The following IQUB variants were observed in gnomAD, a reference collection of about 807,000 sequenced individuals.
IQUB encodes IQ motif and ubiquitin domain containing, also known as IQ motif and ubiquitin-like domain-containing protein.
In IQUB, 86 loss-of-function variants were observed where a neutral mutation model predicts 86.4. The ratio of observed to expected loss-of-function variants is 1.00; its 90% CI spans 0.84 to 1.19. The LOEUF (loss-of-function observed/expected upper bound fraction) is 1.19, where lower values mean the gene tolerates loss of function less well. Ranked by LOEUF, IQUB falls within the 50% of genes most tolerant of loss-of-function variation. The pLI, the probability that IQUB is intolerant of heterozygous loss-of-function variation, is 0.00. For missense variants in IQUB, 946 were observed against 916.9 expected, an observed-to-expected ratio of 1.03 and a Z score of -0.41; for synonymous variants, 289 against 304.5, an observed-to-expected ratio of 0.95 and a Z score of 0.53.
chr7:123,483,594 A>G (rs1352662462), intron 7 of IQUB, among the ~76,000 whole-genome samples: 1 of 152,144 alleles, frequency 6.6e-6, no homozygotes, highest in African/African-American at 2.4e-5. Context: ...TAAAAAAGCA[A>G]GAATAACATA....
intron 1 of IQUB, among the ~76,000 whole-genome samples, chr7:123,528,216 G>C (rs889478651): frequency 6.6e-6 from 1 of 152,120 alleles, no homozygotes; most frequent in Non-Finnish European, 1.5e-5. Flanking sequence ...CCCACTGTCT[G>C]GCACTCCCTA....
chr7:123,457,511 C>T lies in IQUB; in HGVS notation c.2063G>A (p.Ser688Asn). The change falls in exon 12 of 13, where the codon AGT becomes AAT. Residue 688 changes from serine (S) to asparagine (N), a missense_variant. By Grantham distance (46) the Ser-to-Asn change is conservative. Transcript: ENST00000324698. ...CAGATCACTGAGATTGTCGCAAGCA[C>T]TGAGGACTGACTGGGACGCCCAGAT... ...ENIWASQSVL[S>N]ACDNLSDLVM... The T allele has an allele frequency of 1.2e-6, 2 of 1,611,074 alleles. No individual in the cohort carries two copies. Among genetic ancestry groups the T allele is most frequent in the East Asian group, 4.5e-5 (2 of 44,772 alleles).
intron 3 of IQUB, among the ~76,000 whole-genome samples, chr7:123,503,724 TTAAA>T (rs1306391620): frequency 2.0e-5 from 3 of 151,816 alleles, no homozygotes; most frequent in Non-Finnish European, 4.4e-5. Flanking sequence ...CATTTAATTA[TTAAA>T]TATACTATTA....
At chr7:123,467,543 G>A (rs1240187209) in intron 9 of IQUB, among the ~76,000 whole-genome samples, 2 of 152,170 alleles carry the variant, frequency 1.3e-5, no homozygotes, top group South Asian at 2.1e-4. Flanking sequence ...TGAGAGTCTG[G>A]GGTATGTGAA....
chr7:123,499,634 A>G (rs1795852881), intron 6 of IQUB, among the ~76,000 whole-genome samples: 2 of 152,212 alleles, frequency 1.3e-5, no homozygotes, highest in South Asian at 2.1e-4. Flanking sequence ...AGGAGGGGGC[A>G]GAAAATGAAG....
intron 1 of IQUB, among the ~76,000 whole-genome samples, chr7:123,521,681 C>CACACACACACACACAG (rs533866528): frequency 9.3e-5 from 14 of 151,016 alleles, no homozygotes; most frequent in African/African-American, 3.4e-4. Flanking sequence ...CACACACACA[C>CACACACACACACACAG]AGAGATCACA....
chr7:123,466,199 A>G (rs112343171), intron 9 of IQUB, among the ~76,000 whole-genome samples: 127 of 152,234 alleles, frequency 8.3e-4, no homozygotes, highest in African/African-American at 2.8e-3. Context: ...ATAAATGAAT[A>G]GAGTCAGAAT....
chr7:123,469,664 T>C (rs1794438171), intron 8 of IQUB, among the ~76,000 whole-genome samples: 1 of 152,226 alleles, frequency 6.6e-6, no homozygotes, highest in African/African-American at 2.4e-5. Context: ...GTTTGAGAGA[T>C]GTATGGAATT....
chr7:123,522,972 C>T lies in IQUB; in HGVS notation c.-4-10628G>A, dbSNP rs1479151279. Reference sequence around the variant, plus strand: ...TGCGGTGTTTGGTTTTTTGTTCTTGCGATAGTTTACTGAGAATGATGATTT... The same window carrying T: ...TGCGGTGTTTGGTTTTTTGTTCTTGTGATAGTTTACTGAGAATGATGATTT... On this transcript the variant is annotated intron_variant, in intron 1 of 12. Transcript: ENST00000324698. Among the ~76,000 whole-genome samples, 7 of 148,290 alleles carry T rather than the reference C, an allele frequency of 4.7e-5. No individual in the cohort carries two copies. The South Asian group carries it at 1.3e-3, about 27-fold the overall frequency.
intron 10 of IQUB, among the ~76,000 whole-genome samples, chr7:123,463,822 ACT>A (rs1052873587): frequency 1.3e-5 from 2 of 151,742 alleles, no homozygotes; most frequent in African/African-American, 4.8e-5. Context: ...AATTGTAGAA[ACT>A]CTATCAATTG....
intron 1 of IQUB, among the ~76,000 whole-genome samples, chr7:123,524,427 G>A (rs1346088270): frequency 6.6e-6 from 1 of 150,998 alleles, no homozygotes; most frequent in Non-Finnish European, 1.5e-5. Context: ...CATATCCCTT[G>A]TAAGTTGGAT....
chr7:123,525,068 A>G (rs945666061), intron 1 of IQUB, among the ~76,000 whole-genome samples: 13 of 152,246 alleles, frequency 8.5e-5, no homozygotes, highest in Admixed American at 5.9e-4. Context: ...ATCATGTTGG[A>G]TAAGCTTTTT....
chr7:123,534,375 C>A (rs546894960), intron 1 of IQUB, 117 bp downstream of exon 1: 1 of 152,502 alleles, frequency 6.6e-6, no homozygotes, highest in African/African-American at 2.4e-5. Flanking sequence ...GCCCCAGGCG[C>A]TCAGGTGGGA....
In IQUB at chr7:123,512,355, A is replaced by C; in HGVS notation, c.-4-11T>G. 1.3e-6 allele frequency: 2 copies of C among 1,485,694 alleles called. No individual in the cohort carries two copies. Among genetic ancestry groups the C allele is most frequent in the South Asian group, 2.6e-5 (2 of 76,418 alleles). The allele number at this position is 1,485,694 out of a possible 1,614,324, so 92.0% of individuals were successfully genotyped here. On this transcript the variant is annotated splice_polypyrimidine_tract_variant and intron_variant, in intron 1 of 12. Transcript: ENST00000324698. ...TGATTAGACATTTTCCTGAATTAAG[A>C]AAAATAAACACATTTACTACATAGA...
At chr7:123,528,270 C>G (rs886169006) in intron 1 of IQUB, among the ~76,000 whole-genome samples, 1 of 152,184 alleles carries the variant, frequency 6.6e-6, no homozygotes, top group Non-Finnish European at 1.5e-5. Context: ...AGAAATCACC[C>G]GTCTTCTGCG....
At chr7:123,509,789 A>G (rs1796337256) in intron 3 of IQUB, 112 bp downstream of exon 3, 1 of 903,784 alleles carries the variant, frequency 1.1e-6, no homozygotes, top group South Asian at 1.6e-5. Flanking sequence ...CATAACCACA[A>G]TATAATGTTC....
intron 8 of IQUB, among the ~76,000 whole-genome samples, chr7:123,469,777 G>A (rs962508961): frequency 6.6e-6 from 1 of 152,078 alleles, no homozygotes; most frequent in Non-Finnish European, 1.5e-5. Context: ...AACTTTTGTA[G>A]AGTAATTATG....
At chr7:123,531,286 T>C (rs1191531187) in intron 1 of IQUB, among the ~76,000 whole-genome samples, 1 of 151,958 alleles carries the variant, frequency 6.6e-6, no homozygotes, top group Non-Finnish European at 1.5e-5. Flanking sequence ...AGTAAATACA[T>C]CCCATAAAAA....
chr7:123,463,177 T>C (rs1165034183), intron 10 of IQUB, among the ~76,000 whole-genome samples: 1 of 151,766 alleles, frequency 6.6e-6, no homozygotes, highest in Non-Finnish European at 1.5e-5. Flanking sequence ...ATATTTATCA[T>C]ATACTGCAGG....
Sources: gnomAD v4.1 joint callset for allele counts (sites outside exome capture counted in the v4.1 genomes callset) on GRCh38, gnomAD v4.1.1 for gene constraint, MANE v1.5 for transcripts, NCBI Gene and HGNC (gene_info 2026-07-23, HGNC 2026-07-21) for gene names.